The following ZBBX variants were observed in gnomAD, a reference collection of about 807,000 sequenced individuals.
ZBBX encodes zinc finger B-box domain-containing protein 1.
In ZBBX, 101 loss-of-function variants were observed where a neutral mutation model predicts 108.5. That is an observed-to-expected ratio of 0.93 (90% CI 0.79 to 1.10). The LOEUF (loss-of-function observed/expected upper bound fraction) is 1.10. ZBBX is among the 50% of genes least tolerant of loss of function. The pLI is 0.00. For synonymous variants in ZBBX, 356 were observed against 323.4 expected (o/e 1.10, Z -1.08); for missense variants, 1,009 against 941.4 (o/e 1.07, Z -0.94).
the ZBBX span, among the ~76,000 whole-genome samples, chr3:167,225,508 G>T: frequency 6.6e-6 from 1 of 151,724 alleles, no homozygotes; most frequent in Non-Finnish European, 1.5e-5. Flanking sequence ...CACTTGTTTT[G>T]CAATCATTGA....
intron 1 of ZBBX, among the ~76,000 whole-genome samples, chr3:167,387,635 G>T (rs771930111): frequency 6.6e-6 from 1 of 152,014 alleles, no homozygotes; most frequent in Non-Finnish European, 1.5e-5. Context: ...CTCAAGAGAC[G>T]TGGAGAAAGA....
rs1733482333 is a variant in ZBBX at position 167,305,559 on chromosome 3, C to T, written c.1725+84G>A. ...ACATTTTAACTTTAATAGGAAGTAACTTGAGAATGTATTGTGTCACTAAGA... is the reference window on the plus strand; with the variant it reads ...ACATTTTAACTTTAATAGGAAGTAATTTGAGAATGTATTGTGTCACTAAGA... On this transcript the variant is annotated intron_variant, in intron 17 of 21. Coordinates refer to ENST00000675490, the MANE Select transcript of ZBBX (RefSeq NM_001199201.2). 6.5e-6 allele frequency: 7 copies of T among 1,073,950 alleles called. No individual in the cohort carries two copies. In the South Asian group the frequency reaches 1.6e-4, roughly 24 times the overall value. 66.5% of individuals were successfully genotyped at this position (1,073,950 alleles called of 1,614,324 possible).
chr3:167,346,820 T>A (rs1741541560), intron 9 of ZBBX, among the ~76,000 whole-genome samples: 1 of 150,790 alleles, frequency 6.6e-6, no homozygotes. Context: ...CATAGGAAAA[T>A]GATAAAAACA....
rs113164361 is a variant in ZBBX, at chr3:167,248,047, G to C, written c.2255-5404C>G. On this transcript the variant is annotated intron_variant, in intron 20 of 21. Coordinates refer to ENST00000675490, the MANE Select transcript of ZBBX (RefSeq NM_001199201.2). ...ATGTTACTAAGTAAAACGAGCATTA[G>C]GTTCAGCCATCAAAGGTGCAAATCA... is the stretch of plus-strand genomic sequence containing the variant. Among the ~76,000 whole-genome samples, 970 of 152,274 alleles carry C rather than the reference G, an allele frequency of 6.4e-3. 7 individuals carry two copies. Among genetic ancestry groups the C allele is most frequent in the African/African-American group, 0.021 (868 of 41,552 alleles).
chr3:167,288,845 G>T (rs758817191), intron 19 of ZBBX, 22 bp downstream of exon 19: 33 of 1,488,140 alleles, frequency 2.2e-5, no homozygotes, highest in Non-Finnish European at 2.8e-5. Context: ...ACATGGCACT[G>T]CTGCCTTTGA....
intron 12 of ZBBX, among the ~76,000 whole-genome samples, chr3:167,319,943 C>T (rs1736133083): frequency 6.6e-6 from 1 of 151,672 alleles, no homozygotes; most frequent in Non-Finnish European, 1.5e-5. Context: ...ATGCATGTTA[C>T]TTTAATAGAT....
chr3:167,229,565 C>T, the ZBBX span, among the ~76,000 whole-genome samples: 1 of 151,778 alleles, frequency 6.6e-6, no homozygotes, highest in Non-Finnish European at 1.5e-5. Context: ...AGTAGGCATA[C>T]TTCGGAAATA....
intron 20 of ZBBX, among the ~76,000 whole-genome samples, chr3:167,277,055 A>T (rs989782491): frequency 1.3e-5 from 2 of 152,274 alleles, no homozygotes; most frequent in African/African-American, 4.8e-5. Flanking sequence ...GAGAAATTTT[A>T]TCACCACCAG....
At chr3:167,344,873 C>A (rs1741172936) in intron 9 of ZBBX, among the ~76,000 whole-genome samples, 1 of 151,754 alleles carries the variant, frequency 6.6e-6, no homozygotes, top group Non-Finnish European at 1.5e-5. Context: ...GTTACACTTA[C>A]CATAAGTATG....
chr3:167,402,940 A>G (rs1326948242), intron 1 of ZBBX, among the ~76,000 whole-genome samples: 1 of 152,212 alleles, frequency 6.6e-6, no homozygotes, highest in Non-Finnish European at 1.5e-5. Flanking sequence ...TAAAGACATA[A>G]CAAACTGTTA....
intron 9 of ZBBX, among the ~76,000 whole-genome samples, chr3:167,343,253 T>G (rs1473539404): frequency 6.6e-6 from 1 of 151,872 alleles, no homozygotes; most frequent in Non-Finnish European, 1.5e-5. Flanking sequence ...TTCCTCAGCA[T>G]AAACATCACA....
intron 1 of ZBBX, among the ~76,000 whole-genome samples, chr3:167,385,414 G>A (rs1747880905): frequency 6.6e-6 from 1 of 152,006 alleles, no homozygotes; most frequent in Non-Finnish European, 1.5e-5. Flanking sequence ...AGAACTGGAA[G>A]TTGCTTTGGA....
At chr3:167,379,515 A>T (rs1376106795) in intron 2 of ZBBX, 123 bp downstream of exon 2, 1 of 152,226 alleles carries the variant, frequency 6.6e-6, no homozygotes, top group Non-Finnish European at 1.5e-5. Flanking sequence ...ACATTTGCAT[A>T]AGCATACAGT....
At position 167,318,913 on chromosome 3, in the gene ZBBX, C is replaced by G. The variant is rs1295568152; in HGVS notation, c.984-1316G>C. Among the ~76,000 whole-genome samples, 3 of 151,776 alleles carry G rather than the reference C, an allele frequency of 2.0e-5. No individual in the cohort carries two copies. The Admixed American group carries it at 2.0e-4, about 10-fold the overall frequency. Reference sequence around the variant, plus strand: ...ACTACAATGAGATACAACTACACGCCTTATTAAAATGTCAAACAAAAGAAA... The same window carrying G: ...ACTACAATGAGATACAACTACACGCGTTATTAAAATGTCAAACAAAAGAAA... On this transcript the variant is annotated intron_variant, in intron 12 of 21. Transcript: ENST00000675490.
At chr3:167,273,123 C>A (rs942593407) in intron 20 of ZBBX, among the ~76,000 whole-genome samples, 8 of 152,170 alleles carry the variant, frequency 5.3e-5, no homozygotes, top group African/African-American at 1.2e-4. Flanking sequence ...TCCTTCTGAG[C>A]TTTCTTCTAA....
upstream of ZBBX, among the ~76,000 whole-genome samples, chr3:167,380,866 G>GCACGCA (rs1553849428): frequency 7.1e-6 from 1 of 141,340 alleles, no homozygotes; most frequent in East Asian, 2.1e-4. Context: ...GCAAATATAT[G>GCACGCA]CACACACACA....
chr3:167,405,066 G>A (rs1748543186), intron 1 of ZBBX, among the ~76,000 whole-genome samples: 1 of 152,166 alleles, frequency 6.6e-6, no homozygotes, highest in Non-Finnish European at 1.5e-5. Context: ...AGACTGCATG[G>A]ATGCTTTTTA....
At chr3:167,395,109 C>T (rs547066238) in intron 1 of ZBBX, among the ~76,000 whole-genome samples, 3 of 152,024 alleles carry the variant, frequency 2.0e-5, no homozygotes, top group African/African-American at 4.8e-5. Flanking sequence ...AAGCTTGTTC[C>T]CTAATCCTCT....
intron 1 of ZBBX, among the ~76,000 whole-genome samples, chr3:167,398,784 C>T (rs1748329358): frequency 6.6e-6 from 1 of 151,944 alleles, no homozygotes; most frequent in Admixed American, 6.6e-5. Context: ...TTGTCCCCTC[C>T]AAAACTCATG....
Sources: allele counts gnomAD v4.1 joint callset (sites outside exome capture counted in the v4.1 genomes callset), GRCh38; gene constraint gnomAD v4.1.1; transcripts MANE v1.5; gene names NCBI Gene and HGNC (gene_info 2026-07-23, HGNC 2026-07-21).